MATCAP2: variants seen among roughly 807,000 people sequenced by gnomAD.
The protein encoded by MATCAP2 is putative tyrosine carboxypeptidase MATCAP2.
the MATCAP2 span, chr7:36,356,534 A>G: frequency 2.8e-6 from 1 of 362,554 alleles, no homozygotes; most frequent in African/African-American, 2.1e-5. Flanking sequence ...AAAAAACAAC[A>G]AAGAAATCAA....
the MATCAP2 span, chr7:36,357,549 T>C: frequency 3.1e-6 from 5 of 1,613,746 alleles, no homozygotes; most frequent in Admixed American, 3.3e-5. Flanking sequence ...GCATTTAGAA[T>C]AGACTTCTTA....
the MATCAP2 span, among the ~76,000 whole-genome samples, chr7:36,376,319 T>C: frequency 1.3e-5 from 2 of 152,224 alleles, no homozygotes; most frequent in South Asian, 4.1e-4. Context: ...TCAAAGAACA[T>C]CTTTATTTCT....
chr7:36,349,588 G>A, the MATCAP2 span, among the ~76,000 whole-genome samples: 1 of 152,074 alleles, frequency 6.6e-6, no homozygotes, highest in Non-Finnish European at 1.5e-5. Flanking sequence ...GTGTTATCAG[G>A]GCTGGGAGTA....
the MATCAP2 span, among the ~76,000 whole-genome samples, chr7:36,351,333 T>C: frequency 6.6e-6 from 1 of 152,014 alleles, no homozygotes; most frequent in African/African-American, 2.4e-5. Context: ...GAGATGGAGA[T>C]TGCAGTGAGC....
At chr7:36,381,528 A>G in the MATCAP2 span, among the ~76,000 whole-genome samples, 2 of 151,800 alleles carry the variant, frequency 1.3e-5, no homozygotes, top group African/African-American at 4.8e-5. Context: ...AAAATTAGTC[A>G]GGTATGGTGG....
the MATCAP2 span, among the ~76,000 whole-genome samples, chr7:36,332,592 T>G: frequency 6.6e-6 from 1 of 152,218 alleles, no homozygotes; most frequent in Admixed American, 6.5e-5. Flanking sequence ...TAACCATCAC[T>G]AATTTGAGTA....
chr7:36,378,033 G>A, the MATCAP2 span, among the ~76,000 whole-genome samples: 1 of 152,116 alleles, frequency 6.6e-6, no homozygotes, highest in Non-Finnish European at 1.5e-5. Context: ...TAGCTTCCTT[G>A]CAATGGGTTC....
At chr7:36,366,051 T>A in the MATCAP2 span, among the ~76,000 whole-genome samples, 1 of 152,232 alleles carries the variant, frequency 6.6e-6, no homozygotes, top group African/African-American at 2.4e-5. Flanking sequence ...TCAGTTAGAA[T>A]GCTCACAGAA....
At chr7:36,336,397 T>C in the MATCAP2 span, 1 of 967,940 alleles carries the variant, frequency 1.0e-6, no homozygotes. Context: ...CTAGGTTTAT[T>C]GATTTCCAAA....
the MATCAP2 span, among the ~76,000 whole-genome samples, chr7:36,350,419 T>C: frequency 2.6e-5 from 4 of 151,928 alleles, no homozygotes; most frequent in Non-Finnish European, 5.9e-5. Context: ...TTGATTCTAA[T>C]AAAATGGAGC....
At chr7:36,345,601 T>C in the MATCAP2 span, among the ~76,000 whole-genome samples, 1 of 152,192 alleles carries the variant, frequency 6.6e-6, no homozygotes, top group African/African-American at 2.4e-5. Flanking sequence ...TAGAACAGTA[T>C]GTAATCAAAT....
the MATCAP2 span, chr7:36,357,663 AG>A: frequency 8.9e-7 from 1 of 1,122,790 alleles, no homozygotes; most frequent in South Asian, 1.6e-5. Flanking sequence ...TTATTAGGAA[AG>A]GTATTCTGAA....
the MATCAP2 span, among the ~76,000 whole-genome samples, chr7:36,359,369 T>C: frequency 2.0e-5 from 3 of 152,190 alleles, no homozygotes; most frequent in African/African-American, 7.2e-5. Flanking sequence ...AGTATCAAGG[T>C]AGAGAAACTC....
the MATCAP2 span, chr7:36,335,227 T>G: frequency 1.3e-6 from 2 of 1,563,118 alleles, no homozygotes; most frequent in Non-Finnish European, 1.8e-6. Context: ...AACATAAAGG[T>G]AAGGGGAGAA....
the MATCAP2 span, among the ~76,000 whole-genome samples, chr7:36,363,654 G>C: frequency 1.6e-4 from 24 of 152,184 alleles, no homozygotes; most frequent in African/African-American, 5.8e-4. Flanking sequence ...ATGGACTTTG[G>C]AATGGAGTTG....
the MATCAP2 span, among the ~76,000 whole-genome samples, chr7:36,378,073 G>A: frequency 6.6e-6 from 1 of 152,150 alleles, no homozygotes; most frequent in African/African-American, 2.4e-5. Context: ...GGAGAAGTTC[G>A]TGATTACCGA....
the MATCAP2 span, among the ~76,000 whole-genome samples, chr7:36,379,726 G>T: frequency 6.6e-6 from 1 of 151,680 alleles, no homozygotes; most frequent in South Asian, 2.1e-4. Context: ...CATAAACCTA[G>T]ATGGTGTAGA....
the MATCAP2 span, chr7:36,367,368 G>A: frequency 1.8e-5 from 18 of 987,854 alleles, no homozygotes; most frequent in South Asian, 7.5e-4. Context: ...GCACAGCGCG[G>A]GCCAGTGCCT....
At chr7:36,357,266 T>C in the MATCAP2 span, 1 of 1,614,168 alleles carries the variant, frequency 6.2e-7, no homozygotes, top group Non-Finnish European at 8.5e-7. Context: ...AGGCCGCCTC[T>C]CCAGGCAGTA....
Sources: allele counts gnomAD v4.1 joint callset (sites outside exome capture counted in the v4.1 genomes callset), GRCh38; gene constraint gnomAD v4.1.1; transcripts MANE v1.5; gene names NCBI Gene and HGNC (gene_info 2026-07-23, HGNC 2026-07-21).